CACNA1D: variants seen among roughly 807,000 people sequenced by gnomAD.
CACNA1D encodes calcium voltage-gated channel subunit alpha1 D, also known as voltage-dependent L-type calcium channel subunit alpha-1D.
CACNA1D carries 55 observed loss-of-function variants against 257.1 expected under a neutral mutation model. The observed-to-expected ratio is 0.21, with a 90% CI of 0.17 to 0.27. The LOEUF (loss-of-function observed/expected upper bound fraction) is 0.27, where lower values mean the gene tolerates loss of function less well. CACNA1D is among the 10% of genes least tolerant of loss of function. CACNA1D has a pLI of 1.00. For missense variants in CACNA1D, 1,876 were observed against 2,784.0 expected (o/e 0.67, Z 7.34); for synonymous variants, 980 against 1,014.9 (o/e 0.97, Z 0.65).
At chr3:53,540,803 G>A (rs932073449) in intron 3 of CACNA1D, among the ~76,000 whole-genome samples, 3 of 152,018 alleles carry the variant, frequency 2.0e-5, no homozygotes, top group Non-Finnish European at 2.9e-5. Flanking sequence ...GTGCAATGGC[G>A]TGATCTCGGC....
chr3:53,593,554 G>A (rs1045911401), intron 3 of CACNA1D, among the ~76,000 whole-genome samples: 31 of 152,146 alleles, frequency 2.0e-4, no homozygotes, highest in African/African-American at 7.2e-4. Flanking sequence ...TGGTGGTGAT[G>A]GGAGTGTTGG....
At chr3:53,659,866 A>G (rs2094185992) in intron 4 of CACNA1D, among the ~76,000 whole-genome samples, 1 of 152,238 alleles carries the variant, frequency 6.6e-6, no homozygotes, top group Non-Finnish European at 1.5e-5. Flanking sequence ...TTGAGTTCCC[A>G]GGGAGTCCCC....
intron 19 of CACNA1D, among the ~76,000 whole-genome samples, chr3:53,734,600 T>G (rs2095039662): frequency 6.6e-6 from 1 of 152,094 alleles, no homozygotes; most frequent in Admixed American, 6.5e-5. Flanking sequence ...GCAGCGAGGT[T>G]CTGATGGCCC....
Position 53,622,004 on chromosome 3 carries a change from A to G in CACNA1D, c.484-28775A>G, listed in dbSNP as rs138827877. 1.4e-4 allele frequency among the ~76,000 whole-genome samples: 22 copies of G among 152,286 alleles called. No individual in the cohort carries two copies. The East Asian group carries it at 2.9e-3, about 20-fold the overall frequency. On this transcript the variant is annotated intron_variant, in intron 3 of 47. Coordinates refer to ENST00000350061, the MANE Select transcript of CACNA1D (RefSeq NM_001128840.3). The stretch of plus-strand genomic sequence containing the variant: ...AACAACTGGAGACTCTTAACGCATC[A>G]TCGGAGGGGCTGTACAATGGTCCAG...
chr3:53,727,600 G>T (rs1205762847), intron 15 of CACNA1D, among the ~76,000 whole-genome samples: 1 of 151,480 alleles, frequency 6.6e-6, no homozygotes, highest in Non-Finnish European at 1.5e-5. Flanking sequence ...TTGGCCCTTA[G>T]ATCTGTATTT....
intron 3 of CACNA1D, among the ~76,000 whole-genome samples, chr3:53,641,126 G>A (rs1366558636): frequency 6.6e-6 from 1 of 152,182 alleles, no homozygotes; most frequent in African/African-American, 2.4e-5. Context: ...ACGTGGAGGA[G>A]GAAGGGGCAT....
intron 29 of CACNA1D, among the ~76,000 whole-genome samples, chr3:53,759,956 G>C (rs2095291028): frequency 6.6e-6 from 1 of 152,182 alleles, no homozygotes. Context: ...CATAAGCTGT[G>C]CTGTTTTTAA....
chr3:53,513,423 C>G (rs1438475691), intron 3 of CACNA1D, among the ~76,000 whole-genome samples: 3 of 152,178 alleles, frequency 2.0e-5, no homozygotes, highest in Non-Finnish European at 4.4e-5. Flanking sequence ...GGGCAGATTG[C>G]TTGAGTTCAG....
chr3:53,610,288 A>G (rs986798785), intron 3 of CACNA1D, among the ~76,000 whole-genome samples: 1 of 152,198 alleles, frequency 6.6e-6, no homozygotes, highest in Non-Finnish European at 1.5e-5. Flanking sequence ...TCTTTTGTAT[A>G]CATACTGATT....
At chr3:53,660,031 C>A in intron 4 of CACNA1D, 102 bp from the exon 5 acceptor site, 1 of 1,022,604 alleles carries the variant, frequency 9.8e-7, no homozygotes. Flanking sequence ...AAGCAGCAGC[C>A]ACACAGAATT....
intron 5 of CACNA1D, among the ~76,000 whole-genome samples, chr3:53,663,388 A>C (rs754260323): frequency 1.4e-4 from 22 of 152,312 alleles, no homozygotes; most frequent in Non-Finnish European, 2.8e-4. Context: ...GAAGGAAAAG[A>C]GTGAGCAGCA....
chr3:53,770,160 G>A (rs1423389733), intron 31 of CACNA1D, 143 bp downstream of exon 31: 12 of 802,938 alleles, frequency 1.5e-5, no homozygotes, highest in East Asian at 2.4e-5. Context: ...CATCATCAGT[G>A]TCCAGTACTC....
chr3:53,685,451 A>G (rs1046795828), intron 8 of CACNA1D, among the ~76,000 whole-genome samples: 1 of 152,218 alleles, frequency 6.6e-6, no homozygotes, highest in Non-Finnish European at 1.5e-5. Flanking sequence ...TTATATTTAG[A>G]TTGGTTAATA....
chr3:53,569,421 A>G (rs770731544), intron 3 of CACNA1D, among the ~76,000 whole-genome samples: 9 of 152,226 alleles, frequency 5.9e-5, no homozygotes, highest in African/African-American at 1.2e-4. Context: ...GGGCTCCACA[A>G]TGGAGGACTC....
At chr3:53,591,605 G>A (rs966996056) in intron 3 of CACNA1D, among the ~76,000 whole-genome samples, 4 of 152,202 alleles carry the variant, frequency 2.6e-5, no homozygotes, top group East Asian at 1.9e-4. Context: ...ATATGTCTCC[G>A]GACTCTGAGC....
chr3:53,810,851 G>A (rs1000525755), intron 47 of CACNA1D, among the ~76,000 whole-genome samples: 3 of 150,360 alleles, frequency 2.0e-5, no homozygotes, highest in African/African-American at 4.9e-5. Context: ...GTGCTGTTCC[G>A]GCATATGTTT....
chr3:53,683,284 T>G (rs2094448655), intron 8 of CACNA1D, among the ~76,000 whole-genome samples: 1 of 152,202 alleles, frequency 6.6e-6, no homozygotes, highest in Non-Finnish European at 1.5e-5. Flanking sequence ...TCTGCTCAGC[T>G]GTAGTGGAAG....
chr3:53,505,512 G>T (rs1454211650), intron 3 of CACNA1D, among the ~76,000 whole-genome samples: 1 of 152,206 alleles, frequency 6.6e-6, no homozygotes, highest in East Asian at 1.9e-4. Flanking sequence ...GTATACAGTA[G>T]ATGTTCAGTA....
intron 3 of CACNA1D, among the ~76,000 whole-genome samples, chr3:53,579,653 A>T (rs2107738645): frequency 6.6e-6 from 1 of 152,346 alleles, no homozygotes; most frequent in South Asian, 2.1e-4. Context: ...ACTCCCAGTA[A>T]ATCAAGGTTG....
Sources: allele counts gnomAD v4.1 joint callset (sites outside exome capture counted in the v4.1 genomes callset), GRCh38; gene constraint gnomAD v4.1.1; transcripts MANE v1.5; gene names NCBI Gene and HGNC (gene_info 2026-07-23, HGNC 2026-07-21).